The following TRPC5 variants were observed in gnomAD, a reference collection of about 807,000 sequenced individuals.
TRPC5 encodes short transient receptor potential channel 5.
Under a neutral mutation model 56.5 loss-of-function variants are expected in TRPC5, and 9 were observed. The observed-to-expected ratio is 0.16, with a 90% CI of 0.10 to 0.28. The LOEUF (loss-of-function observed/expected upper bound fraction) is 0.28, where lower values mean the gene tolerates loss of function less well. TRPC5 is among the 10% of genes least tolerant of loss of function. The pLI, the probability that TRPC5 is intolerant of heterozygous loss-of-function variation, is 1.00. For missense variants in TRPC5, 469 were observed against 748.9 expected (o/e 0.63, Z 4.36); for synonymous variants, 282 against 278.5 (o/e 1.01, Z -0.13).
chrX:111,877,914 G>T (rs181090248), intron 3 of TRPC5, among the ~76,000 whole-genome samples: 1 of 111,399 alleles, frequency 9.0e-6, no homozygotes, highest in Non-Finnish European at 1.9e-5. Context: ...TTTAAAAGAT[G>T]AGGGTTGATG....
At chrX:111,910,410 G>A (rs2148619574) in intron 3 of TRPC5, among the ~76,000 whole-genome samples, 1 of 111,923 alleles carries the variant, frequency 8.9e-6, no homozygotes, top group African/African-American at 3.2e-5. Context: ...TGGGAGAGAG[G>A]GAGGGATAAG....
rs1945856301 is a variant in TRPC5, at chrX:111,773,580, T to C, written c.*2733A>G. Among the ~76,000 whole-genome samples, 1 of 111,682 alleles carries C rather than the reference T, an allele frequency of 9.0e-6. No individual in the cohort carries two copies. Among genetic ancestry groups the C allele is most frequent in the Non-Finnish European group, 1.9e-5 (1 of 53,132 alleles). The stretch of plus-strand genomic sequence containing the variant: ...ACAAAAGGGTGTCTGTAGTGGCCAC[T>C]TCACATCTATATATAACATATATGC... On this transcript the variant is annotated 3_prime_UTR_variant, in exon 11 of 11. Coordinates refer to ENST00000262839, the MANE Select transcript of TRPC5 (RefSeq NM_012471.3).
intron 6 of TRPC5, among the ~76,000 whole-genome samples, chrX:111,846,191 T>A (rs55810525): frequency 0.014 from 1,565 of 111,507 alleles, 27 homozygotes; most frequent in African/African-American, 0.049. Flanking sequence ...AAGGAAAAAA[T>A]TGTATCTTAG....
At chrX:111,861,657 G>A (rs1923408788) in intron 3 of TRPC5, among the ~76,000 whole-genome samples, 1 of 111,044 alleles carries the variant, frequency 9.0e-6, no homozygotes, top group African/African-American at 3.3e-5. Context: ...TGTAATTTGG[G>A]CAAAGTAGCG....
chrX:111,981,661 A>G (rs1479217614), intron 1 of TRPC5, among the ~76,000 whole-genome samples: 2 of 111,811 alleles, frequency 1.8e-5, no homozygotes, highest in Admixed American at 1.9e-4. Flanking sequence ...CCTGTGTACA[A>G]CTGAAAATTC....
chrX:112,015,586 C>T (rs1468000051), intron 1 of TRPC5, among the ~76,000 whole-genome samples: 1 of 111,112 alleles, frequency 9.0e-6, no homozygotes, highest in African/African-American at 3.3e-5. Flanking sequence ...CTTTGTAAAC[C>T]ACTGTTGGAA....
chrX:111,995,755 A>G (rs1399705330), intron 1 of TRPC5, among the ~76,000 whole-genome samples: 1 of 111,269 alleles, frequency 9.0e-6, no homozygotes, highest in Non-Finnish European at 1.9e-5. Context: ...ATTTGCATAG[A>G]GGTATTTTAT....
At chrX:111,925,082 T>C (rs940841417) in intron 2 of TRPC5, among the ~76,000 whole-genome samples, 2 of 112,752 alleles carry the variant, frequency 1.8e-5, no homozygotes, top group Admixed American at 1.9e-4. Context: ...AGCTCAGATA[T>C]AGGAGAAGAA....
At chrX:111,971,043 G>T (rs113771677) in intron 1 of TRPC5, among the ~76,000 whole-genome samples, 1 of 111,478 alleles carries the variant, frequency 9.0e-6, no homozygotes, top group African/African-American at 3.3e-5. Context: ...CTCCCAAAGT[G>T]CTGGGATTAC....
chrX:112,007,456 G>T (rs1928873061), intron 1 of TRPC5, among the ~76,000 whole-genome samples: 1 of 111,333 alleles, frequency 9.0e-6, no homozygotes, highest in African/African-American at 3.3e-5. Context: ...CCAGAGCCAG[G>T]ACAAGTAAGC....
At chrX:112,000,957 C>T (rs1928681351) in intron 1 of TRPC5, among the ~76,000 whole-genome samples, 1 of 112,128 alleles carries the variant, frequency 8.9e-6, no homozygotes, top group African/African-American at 3.2e-5. Flanking sequence ...ATAATTAGAG[C>T]TAACACTTAC....
intron 7 of TRPC5, among the ~76,000 whole-genome samples, chrX:111,807,211 G>A (rs1298895709): frequency 9.0e-6 from 1 of 110,883 alleles, no homozygotes; most frequent in African/African-American, 3.3e-5. Flanking sequence ...TTTTAGCTTT[G>A]CCCTTTTGAG....
At position 111,971,972 on chromosome X, in the gene TRPC5, C is replaced by A. The variant is rs775588807; in HGVS notation, c.-21-19531G>T. Among the ~76,000 whole-genome samples, 3 of 112,005 alleles carry A rather than the reference C, an allele frequency of 2.7e-5. No individual in the cohort carries two copies. The South Asian group carries it at 1.1e-3, about 42-fold the overall frequency. On this transcript the variant is annotated intron_variant, in intron 1 of 10. Transcript: ENST00000262839. ...GCTCAACACGTTTTTCATCTCCTGA[C>A]TCAATTCAATCCTCCTTCTCTCATG...
At chrX:111,976,169 C>T (rs1029563175) in intron 1 of TRPC5, among the ~76,000 whole-genome samples, 1 of 111,494 alleles carries the variant, frequency 9.0e-6, no homozygotes, top group Admixed American at 9.5e-5. Flanking sequence ...ACACCTATAG[C>T]CCCTGCACTT....
chrX:111,915,415 G>A (rs1317124362), intron 2 of TRPC5, among the ~76,000 whole-genome samples: 1 of 111,448 alleles, frequency 9.0e-6, no homozygotes, highest in African/African-American at 3.3e-5. Flanking sequence ...CCTCCTATCA[G>A]TGTTGTCACT....
intron 2 of TRPC5, among the ~76,000 whole-genome samples, chrX:111,913,754 A>C (rs988165277): frequency 9.0e-6 from 1 of 111,035 alleles, no homozygotes; most frequent in Non-Finnish European, 1.9e-5. Flanking sequence ...AGGTCAAGAG[A>C]TAGAGACCAT....
At chrX:112,075,925 G>T (rs1429459436) in intron 1 of TRPC5, among the ~76,000 whole-genome samples, 1 of 112,230 alleles carries the variant, frequency 8.9e-6, no homozygotes, top group Non-Finnish European at 1.9e-5. Flanking sequence ...CTCCAGAAGG[G>T]AAGGCAGTCC....
At chrX:112,046,601 T>C (rs1225727060) in intron 1 of TRPC5, among the ~76,000 whole-genome samples, 2 of 111,781 alleles carry the variant, frequency 1.8e-5, no homozygotes. Flanking sequence ...AGAGCTTACA[T>C]AAGCCAGATA....
chrX:111,919,011 G>A (rs1051997122), intron 2 of TRPC5, among the ~76,000 whole-genome samples: 1 of 111,333 alleles, frequency 9.0e-6, no homozygotes, highest in Non-Finnish European at 1.9e-5. Context: ...TAGGGGCCAA[G>A]ATAATCAGAG....
Sources: allele counts gnomAD v4.1 joint callset (sites outside exome capture counted in the v4.1 genomes callset), GRCh38; gene constraint gnomAD v4.1.1; transcripts MANE v1.5; gene names NCBI Gene and HGNC (gene_info 2026-07-23, HGNC 2026-07-21).